Variants in TNS3 observed in about 807,000 individuals in gnomAD.
The protein encoded by TNS3 is tensin 3, also known as tensin-3.
TNS3 carries 45 observed loss-of-function variants against 140.9 expected under a neutral mutation model. That is an observed-to-expected ratio of 0.32 (90% CI 0.25 to 0.41). The LOEUF (loss-of-function observed/expected upper bound fraction) is 0.41, where lower values mean the gene tolerates loss of function less well. Ranked by LOEUF, TNS3 falls within the 10% of genes least tolerant of loss-of-function variation. The pLI is 1.00. For synonymous variants in TNS3, 815 were observed against 788.4 expected (o/e 1.03, Z -0.56); for missense variants, 1,716 against 1,906.7 (o/e 0.90, Z 1.86).
At chr7:47,554,153 T>C (rs1800133908) in intron 1 of TNS3, among the ~76,000 whole-genome samples, 1 of 147,838 alleles carries the variant, frequency 6.8e-6, no homozygotes, top group Non-Finnish European at 1.5e-5. Context: ...GTACAGTGGC[T>C]CACACCTGTA....
rs1262352531 is a variant in TNS3 at position 47,524,808 on chromosome 7, CAAGAAAAAA to C, written c.-153+4219_-153+4227del. 6.7e-4 allele frequency among the ~76,000 whole-genome samples: 17 copies of C among 25,258 alleles called. 1 individual carries two copies. Among genetic ancestry groups the C allele is most frequent in the South Asian group, 4.2e-3 (1 of 240 alleles). 16.6% of individuals were successfully genotyped at this position (25,258 alleles called of 152,430 possible). A position where few individuals can be genotyped will look rare whatever the true frequency, so the allele number is the denominator to read the frequency against. On this transcript the variant is annotated intron_variant, in intron 2 of 30. Transcript: ENST00000311160. The stretch of plus-strand genomic sequence containing the variant: ...TGGGCGACAGAGCGAGACTCCGTCT[CAAGAAAAAA>C]AAAAAAAAAAAAAAAAAAAGGCAAT...
At chr7:47,305,234 C>T (rs1786678240) in intron 20 of TNS3, among the ~76,000 whole-genome samples, 2 of 152,204 alleles carry the variant, frequency 1.3e-5, no homozygotes, top group Admixed American at 6.5e-5. Context: ...AAAAATAAAG[C>T]GACCTAATTC....
intron 2 of TNS3, among the ~76,000 whole-genome samples, chr7:47,522,905 GT>G (rs1799039826): frequency 7.1e-6 from 1 of 140,852 alleles, no homozygotes; most frequent in Admixed American, 7.7e-5. Flanking sequence ...TCCAGCCTGG[GT>G]GACAGAGCGA....
chr7:47,347,781 G>A (rs530893760), intron 17 of TNS3, among the ~76,000 whole-genome samples: 11 of 152,312 alleles, frequency 7.2e-5, no homozygotes, highest in Admixed American at 1.3e-4. Flanking sequence ...AGAAGTGTGC[G>A]TTAGGACCTG....
chr7:47,423,987 A>G, intron 10 of TNS3, 114 bp downstream of exon 10: 1 of 1,083,444 alleles, frequency 9.2e-7, no homozygotes, highest in Admixed American at 2.0e-5. Context: ...GGCATGACCC[A>G]AGAATACTAT....
intron 23 of TNS3, among the ~76,000 whole-genome samples, chr7:47,298,926 G>A (rs1195504944): frequency 1.3e-5 from 2 of 152,216 alleles, no homozygotes; most frequent in Non-Finnish European, 2.9e-5. Context: ...GGATGGGCAG[G>A]AAAACACAGG....
intron 20 of TNS3, among the ~76,000 whole-genome samples, chr7:47,316,097 T>TCTCC (rs1787385338): frequency 4.8e-4 from 2 of 4,130 alleles, no homozygotes; most frequent in Non-Finnish European, 8.9e-4. Context: ...TAACTATTTC[T>TCTCC]CTCTCTCTCT....
intron 2 of TNS3, among the ~76,000 whole-genome samples, chr7:47,518,687 G>GTAAA (rs1321216837): frequency 6.5e-4 from 99 of 152,232 alleles, no homozygotes; most frequent in African/African-American, 2.1e-3. Flanking sequence ...AAATAAATAA[G>GTAAA]TAAATAAATA....
At chr7:47,466,127 G>A (rs1297246582) in intron 4 of TNS3, among the ~76,000 whole-genome samples, 4 of 151,838 alleles carry the variant, frequency 2.6e-5, no homozygotes, top group South Asian at 4.2e-4. Flanking sequence ...AAAGTCTTAC[G>A]ATGTTTATTC....
chr7:47,441,471 C>T (rs1317315937), intron 5 of TNS3, among the ~76,000 whole-genome samples: 1 of 152,168 alleles, frequency 6.6e-6, no homozygotes, highest in Non-Finnish European at 1.5e-5. Context: ...CCACTGTGCC[C>T]GGCCCATACA....
At chr7:47,517,316 G>A (rs984272474) in intron 2 of TNS3, among the ~76,000 whole-genome samples, 4 of 152,212 alleles carry the variant, frequency 2.6e-5, no homozygotes, top group South Asian at 2.1e-4. Context: ...CAGCCACAGC[G>A]TCCTGCAGCC....
chr7:47,379,613 TAA>T (rs2151213370), intron 16 of TNS3, among the ~76,000 whole-genome samples: 1 of 152,294 alleles, frequency 6.6e-6, no homozygotes, highest in South Asian at 2.1e-4. Context: ...TTACAAAAAA[TAA>T]AAGACGGTAA....
intron 3 of TNS3, among the ~76,000 whole-genome samples, chr7:47,498,786 GT>G (rs1798108332): frequency 6.6e-6 from 1 of 152,210 alleles, no homozygotes; most frequent in Admixed American, 6.5e-5. Flanking sequence ...GTCACCACCA[GT>G]TTCAAAGACC....
chr7:47,487,428 T>G (rs1259472491), intron 3 of TNS3, among the ~76,000 whole-genome samples: 1 of 152,200 alleles, frequency 6.6e-6, no homozygotes, highest in African/African-American at 2.4e-5. Context: ...CAGGTCATTC[T>G]GCCCACAGGT....
chr7:47,468,405 C>A (rs966095668), intron 4 of TNS3, among the ~76,000 whole-genome samples: 1 of 152,142 alleles, frequency 6.6e-6, no homozygotes, highest in Non-Finnish European at 1.5e-5. Flanking sequence ...TACATCACTG[C>A]ACTCCAGCCT....
In TNS3 at chr7:47,303,265, A is replaced by T. The variant is rs775869766; in HGVS notation, c.3142T>A (p.Ser1048Thr). The change falls in exon 22 of 31, where the codon TCA (serine) becomes ACA (threonine). Residue 1048 changes from serine (S) to threonine (T), a missense_variant. This residue lies in a region of TNS3 where 1,163 missense variants were observed against 1,182.1 expected (regional missense o/e 0.98). Transcript: ENST00000311160. ...GTCAGCGGGATGCTGGGGGTCGGTG[A>T]CGCTCCATGAGAATTGGCCAGCAAG... The part of the protein sequence containing the change: ...GALLANSHGA[S>T]PTPSIPLTAT... 6.2e-7 allele frequency: 1 copy of T among 1,613,592 alleles called. No individual in the cohort carries two copies. The highest frequency in any genetic ancestry group is 8.5e-7 in the Non-Finnish European group (1 of 1,179,948).
intron 1 of TNS3, among the ~76,000 whole-genome samples, chr7:47,576,043 GCAGGTCTTTC>G (rs1359127425): frequency 3.9e-5 from 6 of 152,042 alleles, no homozygotes; most frequent in African/African-American, 1.4e-4. Flanking sequence ...ACCCGGCTCT[GCAGGTCTTTC>G]CAGAGGAGAC....
At chr7:47,421,541 G>A (rs190257538) in intron 10 of TNS3, among the ~76,000 whole-genome samples, 2 of 151,878 alleles carry the variant, frequency 1.3e-5, no homozygotes, top group Admixed American at 6.6e-5. Flanking sequence ...CCAAAGAATC[G>A]GGATTACAGG....
chr7:47,382,620 C>A (rs568447522), intron 16 of TNS3, among the ~76,000 whole-genome samples: 26 of 152,240 alleles, frequency 1.7e-4, no homozygotes, highest in Middle Eastern at 6.8e-3. Flanking sequence ...GCTGGCCAGT[C>A]CACCCTTAGT....
Sources: allele counts gnomAD v4.1 joint callset (sites outside exome capture counted in the v4.1 genomes callset), GRCh38; gene constraint gnomAD v4.1.1; regional missense constraint gnomAD v4.1.1; transcripts MANE v1.5; gene names NCBI Gene and HGNC (gene_info 2026-07-23, HGNC 2026-07-21).